C2: variants seen among roughly 807,000 people sequenced by gnomAD.
The protein encoded by C2 is complement C2, also known as C3/C5 convertase.
C2 carries 64 observed loss-of-function variants against 85.2 expected under a neutral mutation model. The observed-to-expected ratio is 0.75, with a 90% CI of 0.61 to 0.92. The LOEUF (loss-of-function observed/expected upper bound fraction) is 0.92. C2 is among the 40% of genes least tolerant of loss of function. The probability of loss-of-function intolerance (pLI) is 0.00; values close to 1 mark genes in which losing one functional copy is unlikely to be tolerated. For synonymous variants in C2, 311 were observed against 370.8 expected (o/e 0.84, Z 1.85); for missense variants, 820 against 971.6 (o/e 0.84, Z 2.07).
intron 3 of C2, among the ~76,000 whole-genome samples, chr6:31,931,814 G>A (rs1331421756): frequency 6.6e-6 from 1 of 151,914 alleles, no homozygotes; most frequent in East Asian, 1.9e-4. Context: ...CGGGCAGAGG[G>A]GCTCCTCACT....
intron 3 of C2, chr6:31,932,540 T>G (rs980323331): frequency 5.2e-6 from 1 of 193,602 alleles, no homozygotes; most frequent in African/African-American, 2.6e-5. Flanking sequence ...GAGACGCTCC[T>G]CACTTCCCAG....
chr6:31,909,426 G>C (rs1363560033), intron 1 of C2, among the ~76,000 whole-genome samples: 1 of 151,676 alleles, frequency 6.6e-6, no homozygotes, highest in Non-Finnish European at 1.5e-5. Flanking sequence ...CGAGTAGCTA[G>C]GACTACAGGT....
rs771778366 is a variant in C2 at position 31,933,761 on chromosome 6, T to G, written c.594T>G (p.Ser198Arg). The G allele has an allele frequency of 6.2e-7, 1 of 1,613,544 alleles. No individual in the cohort carries two copies. The highest frequency in any genetic ancestry group is 1.7e-5 in the Admixed American group (1 of 60,018). The change falls in exon 4 of 18, where the codon AGT (serine) becomes AGG (arginine). Residue 198 changes from serine (S) to arginine (R), a missense_variant. Ser to Arg is a moderately radical substitution (Grantham distance 110). Coordinates refer to ENST00000299367, the MANE Select transcript of C2 (RefSeq NM_000063.6). ...AGTGCCAGGGCAACGGGGTCTGGAG[T>G]GGAACGGAGCCCATCTGCCGCCGTG... ...ERECQGNGVW[S>R]GTEPICRQPY...
In C2 at chr6:31,901,249, C is replaced by T. The variant is rs1767230158; in HGVS notation, c.73+110C>T. 1.9e-6 allele frequency: 3 copies of T among 1,612,988 alleles called. No individual in the cohort carries two copies. In the South Asian group the frequency reaches 3.3e-5, roughly 18 times the overall value. On this transcript the variant is annotated intron_variant, in intron 1 of 3. Coordinates refer to the C2 transcript ENST00000452202. ...CCCGGAGCTGGTTCATGTTCCGTAGCGTTGCGGCCTCGTGGCCGGGCAGCT... is the reference window on the plus strand; with the variant it reads ...CCCGGAGCTGGTTCATGTTCCGTAGTGTTGCGGCCTCGTGGCCGGGCAGCT...
In C2 at chr6:31,944,963, T is replaced by A; in HGVS notation, c.2030-17T>A. The A allele has an allele frequency of 6.2e-7, 1 of 1,613,080 alleles. No homozygotes were observed. Among genetic ancestry groups the A allele is most frequent in the South Asian group, 1.1e-5 (1 of 91,086 alleles). On this transcript the variant is annotated splice_polypyrimidine_tract_variant and intron_variant, in intron 16 of 17. Coordinates refer to ENST00000299367, the MANE Select transcript of C2 (RefSeq NM_000063.6). This position sits in a 1 kb window ranked among gnomAD's most constrained non-coding sequence, Gnocchi z 5.1. ...CTGCCCTAGATGACACTGTCTCCTG[T>A]CACCCTTTGCTGGCAGGAGAATCTG...
At chr6:31,919,432 A>G (rs1768810877), upstream of C2, among the ~76,000 whole-genome samples, 1 of 152,226 alleles carries the variant, frequency 6.6e-6, no homozygotes, top group Non-Finnish European at 1.5e-5. Context: ...GGCGTGAGCC[A>G]CTGGGCCTGG....
intron 3 of C2, among the ~76,000 whole-genome samples, chr6:31,931,262 CTT>C (rs748883719): frequency 3.7e-4 from 41 of 111,402 alleles, no homozygotes; most frequent in African/African-American, 4.0e-4. Context: ...TAGGAACATT[CTT>C]TTTTTTTTTT....
At chr6:31,938,168 G>A (rs1298822422) in intron 8 of C2, among the ~76,000 whole-genome samples, 1 of 152,064 alleles carries the variant, frequency 6.6e-6, no homozygotes, top group Non-Finnish European at 1.5e-5. Flanking sequence ...GTTAGCTCTT[G>A]TTACCATCTG....
In C2 at chr6:31,928,006, G is replaced by A; in HGVS notation, c.98G>A (p.Gly33Asp). 6.2e-7 allele frequency: 1 copy of A among 1,614,032 alleles called. No homozygotes were observed. The highest frequency in any genetic ancestry group is 8.5e-7 in the Non-Finnish European group (1 of 1,179,988). The stretch of plus-strand genomic sequence containing the variant: ...CCTCAGAACGTGAATATCTCGGGTG[G>A]CACCTTCACCCTCAGCCATGGCTGG... The part of the protein sequence containing the change: ...SCPQNVNISG[G>D]TFTLSHGWAP... Residue 33 changes from glycine to aspartate, a missense_variant, in exon 2 of 18, where the codon GGC becomes GAC. By Grantham distance (94) the Gly-to-Asp change is moderately conservative. Transcript: ENST00000299367.
intron 2 of C2, 77 bp downstream of exon 2, chr6:31,928,241 G>C (rs1355289625): frequency 7.2e-7 from 1 of 1,391,662 alleles, no homozygotes; most frequent in Non-Finnish European, 9.9e-7. Flanking sequence ...AGTTGCTCAG[G>C]GTGGGACTTA....
At chr6:31,916,461 A>G (rs187181016), upstream of C2, among the ~76,000 whole-genome samples, 119 of 150,982 alleles carry the variant, frequency 7.9e-4, no homozygotes, top group Admixed American at 3.4e-3. Flanking sequence ...TGGGAGGCTG[A>G]GGCAGGAGAA....
intron 1 of C2, among the ~76,000 whole-genome samples, chr6:31,903,693 G>T (rs923214337): frequency 1.3e-5 from 2 of 152,076 alleles, no homozygotes; most frequent in Non-Finnish European, 2.9e-5. Flanking sequence ...CTTTGGCTCA[G>T]CCAGCATCCA....
chr6:31,913,855 G>A (rs1181455422), intron 1 of C2, among the ~76,000 whole-genome samples: 2 of 151,918 alleles, frequency 1.3e-5, no homozygotes, highest in African/African-American at 2.4e-5. Context: ...GGCCAGGCTG[G>A]TCTTGAACTC....
At chr6:31,902,406 G>T (rs34249798) in intron 1 of C2, among the ~76,000 whole-genome samples, 4,492 of 152,054 alleles carry the variant, frequency 0.03, 78 homozygotes, top group Middle Eastern at 0.045. Flanking sequence ...CCCGCAGCGC[G>T]CGCGCGCACC....
upstream of C2, among the ~76,000 whole-genome samples, chr6:31,918,720 A>G (rs184144911): frequency 3.3e-5 from 5 of 152,104 alleles, no homozygotes; most frequent in East Asian, 9.7e-4. Flanking sequence ...CAAGTTGGTG[A>G]AACCCCATCT....
intron 6 of C2, 67 bp downstream of exon 6, chr6:31,934,366 C>T (rs989444608): frequency 1.2e-5 from 19 of 1,606,962 alleles, no homozygotes; most frequent in Non-Finnish European, 1.6e-5. Flanking sequence ...CTGTCTCCTT[C>T]CCCTCCTCAG....
At chr6:31,915,445 A>G (rs1346054249), upstream of C2, among the ~76,000 whole-genome samples, 1 of 152,200 alleles carries the variant, frequency 6.6e-6, no homozygotes, top group East Asian at 1.9e-4. Context: ...CTGATCTTCT[A>G]GAGAGACCTA....
chr6:31,906,762 TA>T (rs1039867190), intron 1 of C2, among the ~76,000 whole-genome samples: 11 of 149,898 alleles, frequency 7.3e-5, no homozygotes, highest in East Asian at 2.0e-4. Context: ...ATCCCAAGTT[TA>T]AAAAAAAAAT....
At chr6:31,925,389 T>A (rs1190875967), upstream of C2, among the ~76,000 whole-genome samples, 1 of 151,406 alleles carries the variant, frequency 6.6e-6, no homozygotes, top group African/African-American at 2.4e-5. Flanking sequence ...GCCTCCCGGG[T>A]TCAAGCGATT....
Sources: allele counts gnomAD v4.1 joint callset (sites outside exome capture counted in the v4.1 genomes callset), GRCh38; gene constraint gnomAD v4.1.1; non-coding constraint Gnocchi (gnomAD v3.1); transcripts MANE v1.5; gene names NCBI Gene and HGNC (gene_info 2026-07-23, HGNC 2026-07-21).